PLCL1: variants seen among roughly 807,000 people sequenced by gnomAD.
PLCL1 encodes the protein phospholipase C like 1 (inactive), also known as inactive phospholipase C-like protein 1.
A neutral mutation model predicts 84.4 loss-of-function variants in PLCL1; 41 were observed. The observed-to-expected ratio is 0.49, with a 90% CI of 0.38 to 0.63. The LOEUF is 0.63. PLCL1 is among the 30% of genes least tolerant of loss of function. The pLI is 0.00. For synonymous variants in PLCL1, 490 were observed against 488.3 expected, an observed-to-expected ratio of 1.00 and a Z score of -0.05; for missense variants, 1,206 against 1,367.8, an observed-to-expected ratio of 0.88 and a Z score of 1.87.
chr2:197,879,733 A>C (rs1441183510), intron 1 of PLCL1, among the ~76,000 whole-genome samples: 1 of 152,026 alleles, frequency 6.6e-6, no homozygotes, highest in Admixed American at 6.6e-5. Context: ...GTTCCAAACA[A>C]CCCTTTCTGG....
chr2:198,110,057 C>G (rs1003028781), intron 5 of PLCL1, among the ~76,000 whole-genome samples: 2 of 151,694 alleles, frequency 1.3e-5, no homozygotes, highest in Non-Finnish European at 2.9e-5. Flanking sequence ...TTATTCATGA[C>G]TTTCATTGAT....
At position 197,932,997 on chromosome 2, in the gene PLCL1, T is replaced by G. The variant is rs899811341; in HGVS notation, c.240+127658T>G. ...TTAGAATTTCATAAAGGAAATAGTT[T>G]AAAGTATCTACTCCTAGAAACAAAG... On this transcript the variant is annotated intron_variant, in intron 1 of 5. Coordinates refer to ENST00000428675, the MANE Select transcript of PLCL1 (RefSeq NM_006226.4). Among the ~76,000 whole-genome samples the G allele has an allele frequency of 2.6e-5, 4 of 152,210 alleles. 1 individual carries two copies. The highest frequency in any genetic ancestry group is 9.6e-5 in the African/African-American group (4 of 41,458).
intron 1 of PLCL1, among the ~76,000 whole-genome samples, chr2:198,015,883 A>G (rs1271328211): frequency 6.6e-6 from 1 of 152,218 alleles, no homozygotes; most frequent in African/African-American, 2.4e-5. Flanking sequence ...AGTGGTGCTT[A>G]GAATGATGCA....
intron 1 of PLCL1, among the ~76,000 whole-genome samples, chr2:197,981,754 A>G (rs1315365017): frequency 6.6e-6 from 1 of 152,212 alleles, no homozygotes; most frequent in Non-Finnish European, 1.5e-5. Flanking sequence ...AAATCTGTGT[A>G]GAAAGACGTC....
At chr2:197,995,548 G>T (rs1167883947) in intron 1 of PLCL1, among the ~76,000 whole-genome samples, 3 of 152,086 alleles carry the variant, frequency 2.0e-5, no homozygotes, top group Admixed American at 6.6e-5. Context: ...GGTCCTGAGG[G>T]TTTATGAGGC....
chr2:198,106,047 T>C (rs1693466628), intron 5 of PLCL1, among the ~76,000 whole-genome samples: 1 of 151,940 alleles, frequency 6.6e-6, no homozygotes, highest in Non-Finnish European at 1.5e-5. Flanking sequence ...CTAGGTACTG[T>C]TTTATGAGGT....
chr2:198,135,676 A>ATT (rs1351147773), intron 5 of PLCL1, among the ~76,000 whole-genome samples: 1 of 152,144 alleles, frequency 6.6e-6, no homozygotes, highest in East Asian at 1.9e-4. Context: ...GCTTGCAGTC[A>ATT]TTTGCCCAAA....
chr2:197,990,362 C>A (rs964936373), intron 1 of PLCL1, among the ~76,000 whole-genome samples: 4 of 152,146 alleles, frequency 2.6e-5, no homozygotes, highest in African/African-American at 7.2e-5. Context: ...CAAACATACA[C>A]CTCAGGACAA....
chr2:198,090,685 T>C (rs1693004437), intron 3 of PLCL1, among the ~76,000 whole-genome samples: 2 of 152,230 alleles, frequency 1.3e-5, no homozygotes, highest in South Asian at 4.1e-4. Flanking sequence ...AAATGGGGAC[T>C]GAAAGCTATT....
At chr2:198,137,374 T>C (rs1694278417) in intron 5 of PLCL1, among the ~76,000 whole-genome samples, 1 of 152,250 alleles carries the variant, frequency 6.6e-6, no homozygotes, top group South Asian at 2.1e-4. Context: ...ATCTCAGTGA[T>C]ACTGTCACTA....
intron 1 of PLCL1, among the ~76,000 whole-genome samples, chr2:197,942,761 A>G (rs1011281298): frequency 6.6e-6 from 1 of 152,206 alleles, no homozygotes; most frequent in African/African-American, 2.4e-5. Context: ...TGTGTTCATC[A>G]CAGGTTCTCT....
chr2:197,922,866 C>A (rs1688737648), intron 1 of PLCL1, among the ~76,000 whole-genome samples: 2 of 131,544 alleles, frequency 1.5e-5, no homozygotes, highest in Non-Finnish European at 3.4e-5. Context: ...CAGAGGCGCC[C>A]CTCACCTCCC....
Position 198,084,923 on chromosome 2 carries a change from G to A in PLCL1, c.1406G>A (p.Arg469Gln), listed in dbSNP as rs752588522. ...AACATGACAACCCATGTTTCCTTTC[G>A]AAGTGTCATAGAGGTAATAAATAAA... ...RNNMTTHVSF[R>Q]SVIEVINKFA... is the part of the protein sequence containing the mutation. The change falls in exon 2 of 6, where the codon CGA (arginine) becomes CAA (glutamine). Residue 469 changes from arginine (R) to glutamine (Q), a missense_variant. Coordinates refer to ENST00000428675, the MANE Select transcript of PLCL1 (RefSeq NM_006226.4). The A allele has an allele frequency of 1.2e-5, 19 of 1,613,760 alleles. No individual in the cohort carries two copies. The highest frequency in any genetic ancestry group is 1.6e-5 in the Non-Finnish European group (19 of 1,179,918).
chr2:197,829,089 A>G (rs1341891443), intron 1 of PLCL1, among the ~76,000 whole-genome samples: 1 of 152,240 alleles, frequency 6.6e-6, no homozygotes, highest in African/African-American at 2.4e-5. Flanking sequence ...TAAACAGTAC[A>G]TAAGTTTTTA....
chr2:198,124,931 T>C (rs962488338), intron 5 of PLCL1, among the ~76,000 whole-genome samples: 4 of 152,148 alleles, frequency 2.6e-5, no homozygotes, highest in East Asian at 1.9e-4. Context: ...ACAAAATAAT[T>C]ACAATTGAAT....
intron 5 of PLCL1, among the ~76,000 whole-genome samples, chr2:198,109,641 A>G (rs1338526256): frequency 6.6e-6 from 1 of 151,886 alleles, no homozygotes; most frequent in African/African-American, 2.4e-5. Context: ...CACTGATAAA[A>G]TGCTATTTGC....
At chr2:197,878,054 G>C (rs1259870540) in intron 1 of PLCL1, among the ~76,000 whole-genome samples, 1 of 152,022 alleles carries the variant, frequency 6.6e-6, no homozygotes, top group African/African-American at 2.4e-5. Flanking sequence ...CTATGTATAT[G>C]GTAACAAAGA....
intron 1 of PLCL1, among the ~76,000 whole-genome samples, chr2:197,882,387 A>G (rs1321250957): frequency 6.6e-6 from 1 of 152,170 alleles, no homozygotes; most frequent in East Asian, 1.9e-4. Context: ...CATCTAATTT[A>G]ATGGGAATTT....
intron 1 of PLCL1, among the ~76,000 whole-genome samples, chr2:197,827,984 A>C (rs1005826498): frequency 9.2e-5 from 14 of 152,290 alleles, no homozygotes; most frequent in African/African-American, 3.4e-4. Flanking sequence ...ACATGAAATA[A>C]AATATCATTT....
Sources: allele counts gnomAD v4.1 joint callset (sites outside exome capture counted in the v4.1 genomes callset), GRCh38; gene constraint gnomAD v4.1.1; transcripts MANE v1.5; gene names NCBI Gene and HGNC (gene_info 2026-07-23, HGNC 2026-07-21).